RASGRF2: variants seen among roughly 807,000 people sequenced by gnomAD.
The protein encoded by RASGRF2 is Ras protein specific guanine nucleotide releasing factor 2, also known as ras-specific guanine nucleotide-releasing factor 2.
Under a neutral mutation model 151.0 loss-of-function variants are expected in RASGRF2, and 76 were observed. The observed-to-expected ratio is 0.50, with a 90% CI of 0.42 to 0.61. The LOEUF (loss-of-function observed/expected upper bound fraction) is 0.61, where lower values mean the gene tolerates loss of function less well. Ranked by LOEUF, RASGRF2 falls within the 20% of genes least tolerant of loss-of-function variation. The pLI is 0.00. For missense variants in RASGRF2, 1,148 were observed against 1,564.6 expected, an observed-to-expected ratio of 0.73 and a Z score of 4.49; for synonymous variants, 504 against 566.5, an observed-to-expected ratio of 0.89 and a Z score of 1.57.
At chr5:81,114,904 G>C (rs1753109150) in intron 15 of RASGRF2, 2 of 152,348 alleles carry the variant, frequency 1.3e-5, no homozygotes, top group African/African-American at 4.8e-5. Flanking sequence ...AACTGATCGA[G>C]GGTCCTCTCT....
At chr5:81,136,297 C>CTTCTTTTAACATTTCTTTTAACAA (rs1753752462) in intron 17 of RASGRF2, among the ~76,000 whole-genome samples, 1 of 152,106 alleles carries the variant, frequency 6.6e-6, no homozygotes, top group African/African-American at 2.4e-5. Flanking sequence ...GCGTAAAGAA[C>CTTCTTTTAACATTTCTTTTAACAA]TTCTTTTAAC....
chr5:81,093,775 T>C (rs1157126449), intron 10 of RASGRF2, among the ~76,000 whole-genome samples: 3 of 152,140 alleles, frequency 2.0e-5, no homozygotes, highest in Non-Finnish European at 4.4e-5. Flanking sequence ...CGCATGTCTT[T>C]GTGTCTGTGG....
At chr5:81,107,413 T>C (rs1339707564) in intron 12 of RASGRF2, among the ~76,000 whole-genome samples, 1 of 152,186 alleles carries the variant, frequency 6.6e-6, no homozygotes, top group African/African-American at 2.4e-5. Context: ...CACTACATTA[T>C]TCAATATTTC....
At chr5:80,988,008 C>T (rs866086501) in intron 1 of RASGRF2, among the ~76,000 whole-genome samples, 1,614 of 139,484 alleles carry the variant, frequency 0.012, 17 homozygotes, top group Non-Finnish European at 0.013. Flanking sequence ...AATAAATGTG[C>T]GTGTGTGTGT....
At chr5:80,981,252 T>C (rs1748289377) in intron 1 of RASGRF2, among the ~76,000 whole-genome samples, 1 of 152,200 alleles carries the variant, frequency 6.6e-6, no homozygotes, top group African/African-American at 2.4e-5. Context: ...CAGGACACTC[T>C]TGATTGGAAA....
chr5:81,144,766 C>A (rs1473729402), intron 17 of RASGRF2, among the ~76,000 whole-genome samples: 1 of 152,156 alleles, frequency 6.6e-6, no homozygotes, highest in Non-Finnish European at 1.5e-5. Context: ...TATTACTATA[C>A]TCAGGTTCCA....
chr5:81,011,994 G>A (rs1003332977), intron 1 of RASGRF2, among the ~76,000 whole-genome samples: 2 of 152,136 alleles, frequency 1.3e-5, no homozygotes, highest in Non-Finnish European at 2.9e-5. Context: ...CAACGTTGCT[G>A]GTGGCCTGAA....
chr5:81,114,579 G>C (rs1277047727), intron 15 of RASGRF2, among the ~76,000 whole-genome samples: 1 of 152,200 alleles, frequency 6.6e-6, no homozygotes, highest in African/African-American at 2.4e-5. Context: ...TTAGAATAAA[G>C]TACATTCTCC....
intron 17 of RASGRF2, among the ~76,000 whole-genome samples, chr5:81,131,859 G>A (rs1753630105): frequency 6.6e-6 from 1 of 152,096 alleles, no homozygotes; most frequent in African/African-American, 2.4e-5. Context: ...AACCTTTCAG[G>A]GAATTTTTAA....
intron 3 of RASGRF2, among the ~76,000 whole-genome samples, chr5:81,069,698 G>C (rs1297808064): frequency 1.3e-5 from 2 of 152,194 alleles, no homozygotes; most frequent in African/African-American, 4.8e-5. Context: ...TGGCAGAGGG[G>C]TGTATTTGGT....
At chr5:81,117,439 C>T (rs153232) in intron 15 of RASGRF2, among the ~76,000 whole-genome samples, 37,263 of 151,968 alleles carry the variant, frequency 0.25, 5,114 homozygotes, top group Middle Eastern at 0.39. Flanking sequence ...TTATAAGGAA[C>T]CCACTACTGC....
At chr5:81,039,541 A>G (rs1371913860) in intron 1 of RASGRF2, among the ~76,000 whole-genome samples, 2 of 152,194 alleles carry the variant, frequency 1.3e-5, no homozygotes, top group Non-Finnish European at 2.9e-5. Flanking sequence ...AAAAAAATGT[A>G]AAGTGCCCCA....
At position 80,991,440 on chromosome 5, in the gene RASGRF2, T is replaced by C. The variant is rs1474827188; in HGVS notation, c.288+30414T>C. ...CCTTGTCTTTCAATAAATAAATAAA[T>C]AGCAGAATCTCAGGCAGGACCTGAG... On this transcript the variant is annotated intron_variant, in intron 1 of 26. Coordinates refer to ENST00000265080, the MANE Select transcript of RASGRF2 (RefSeq NM_006909.3). Among the ~76,000 whole-genome samples, 3 of 152,102 alleles carry C rather than the reference T, an allele frequency of 2.0e-5. No homozygotes were observed. The South Asian group carries it at 6.2e-4, about 32-fold the overall frequency.
chr5:80,976,504 C>T (rs1164725420), intron 1 of RASGRF2, among the ~76,000 whole-genome samples: 1 of 152,218 alleles, frequency 6.6e-6, no homozygotes, highest in Non-Finnish European at 1.5e-5. Context: ...TCTCATTCTC[C>T]TCCATCGGAA....
intron 2 of RASGRF2, among the ~76,000 whole-genome samples, chr5:81,046,669 A>G (rs574681847): frequency 1.6e-4 from 24 of 152,144 alleles, no homozygotes; most frequent in Non-Finnish European, 2.6e-4. Flanking sequence ...AACTCTGGAC[A>G]TAAAAAATAA....
chr5:81,051,541 T>C (rs762221401), intron 2 of RASGRF2, among the ~76,000 whole-genome samples: 5 of 152,186 alleles, frequency 3.3e-5, no homozygotes, highest in Non-Finnish European at 7.3e-5. Flanking sequence ...TGTTTATGGA[T>C]TTGCTCATTC....
chr5:80,961,037 C>T lies in RASGRF2; in HGVS notation c.288+11C>T, dbSNP rs1407714436. On this transcript the variant is annotated intron_variant, in intron 1 of 26. Coordinates refer to ENST00000265080, the MANE Select transcript of RASGRF2 (RefSeq NM_006909.3). ...GCGCTGGACAAGCAGGTACCGCGCG[C>T]CTTCTCTCCGCGGTCTCCCAGCCTT... 2 of 1,448,130 alleles carry T rather than the reference C, an allele frequency of 1.4e-6. No homozygotes were observed. Among genetic ancestry groups the T allele is most frequent in the Admixed American group, 2.6e-5 (1 of 38,800 alleles). 89.7% of individuals were successfully genotyped at this position (1,448,130 alleles called of 1,614,324 possible).
At chr5:80,970,924 A>T (rs1225320122) in intron 1 of RASGRF2, among the ~76,000 whole-genome samples, 2 of 152,148 alleles carry the variant, frequency 1.3e-5, no homozygotes, top group Non-Finnish European at 2.9e-5. Context: ...TCCTCACCTT[A>T]TCAACAAGAT....
chr5:81,180,373 T>C (rs1379013654), intron 18 of RASGRF2, 92 bp downstream of exon 18: 1 of 757,762 alleles, frequency 1.3e-6, no homozygotes, highest in African/African-American at 1.7e-5. Context: ...CCCTACTCTT[T>C]GGAGTTCAAT....
Sources: allele counts gnomAD v4.1 joint callset (sites outside exome capture counted in the v4.1 genomes callset), GRCh38; gene constraint gnomAD v4.1.1; transcripts MANE v1.5; gene names NCBI Gene and HGNC (gene_info 2026-07-23, HGNC 2026-07-21).